The following HPF1 variants were observed in gnomAD, a reference collection of about 807,000 sequenced individuals.
HPF1 encodes histone PARylation factor 1, also known as UPF0609 protein C4orf27.
HPF1 carries 35 observed loss-of-function variants against 38.8 expected under a neutral mutation model. The observed-to-expected ratio is 0.90, with a 90% CI of 0.69 to 1.19. HPF1 has a LOEUF of 1.19. HPF1 is among the 50% of genes most tolerant of loss of function. The pLI, the probability that HPF1 is intolerant of heterozygous loss-of-function variation, is 0.00. For synonymous variants in HPF1, 115 were observed against 139.2 expected (o/e 0.83, Z 1.22); for missense variants, 367 against 405.8 (o/e 0.90, Z 0.82).
At chr4:169,735,067 C>CA (rs929164204) in intron 6 of HPF1, among the ~76,000 whole-genome samples, 3 of 148,106 alleles carry the variant, frequency 2.0e-5, no homozygotes, top group Non-Finnish European at 4.4e-5. Flanking sequence ...GCGGAGGTTA[C>CA]AGTGAGCTGA....
intron 4 of HPF1, among the ~76,000 whole-genome samples, chr4:169,747,808 T>G (rs934286983): frequency 3.3e-5 from 5 of 152,158 alleles, no homozygotes; most frequent in African/African-American, 1.2e-4. Context: ...GCTTCCACGA[T>G]CTCCATCAAT....
At chr4:169,753,607 C>T in intron 2 of HPF1, 69 bp downstream of exon 2, 2 of 1,350,412 alleles carry the variant, frequency 1.5e-6, no homozygotes, top group Non-Finnish European at 1.0e-6. Context: ...GTGTGAGCCA[C>T]CACACCCAGC....
chr4:169,755,299 G>T (rs1734174761), intron 1 of HPF1, among the ~76,000 whole-genome samples: 1 of 152,040 alleles, frequency 6.6e-6, no homozygotes, highest in Admixed American at 6.6e-5. Context: ...AGCAACAAGG[G>T]TTTGAATTTT....
intron 4 of HPF1, among the ~76,000 whole-genome samples, chr4:169,748,039 C>T (rs1581321141): frequency 1.3e-5 from 2 of 152,198 alleles, no homozygotes; most frequent in East Asian, 3.9e-4. Flanking sequence ...CCACTGTGAG[C>T]CACACAACTG....
At chr4:169,740,634 AG>A (rs914289838) in intron 5 of HPF1, among the ~76,000 whole-genome samples, 5 of 152,238 alleles carry the variant, frequency 3.3e-5, no homozygotes, top group Non-Finnish European at 7.3e-5. Flanking sequence ...AGTCATTAAC[AG>A]GGGAGGATTA....
At chr4:169,734,029 C>G (rs1733863728) in intron 6 of HPF1, among the ~76,000 whole-genome samples, 1 of 152,176 alleles carries the variant, frequency 6.6e-6, no homozygotes, top group South Asian at 2.1e-4. Flanking sequence ...ACCCCAGTCA[C>G]AAAATGTGTT....
intron 6 of HPF1, among the ~76,000 whole-genome samples, chr4:169,732,271 G>C (rs972429576): frequency 4.6e-5 from 7 of 151,590 alleles, no homozygotes; most frequent in African/African-American, 1.7e-4. Context: ...CTCCCAAGTA[G>C]CTGGCACTAC....
At chr4:169,732,869 G>T (rs1733848051) in intron 6 of HPF1, among the ~76,000 whole-genome samples, 1 of 152,184 alleles carries the variant, frequency 6.6e-6, no homozygotes, top group Non-Finnish European at 1.5e-5. Flanking sequence ...ATCTAGAAAT[G>T]ATTTGAAATA....
Position 169,750,704 on chromosome 4 carries a change from C to T in HPF1, c.230G>A (p.Gly77Glu). ...KPSDSLSASL[G>E]LQLVGPYDIL... is the part of the protein sequence containing the mutation. The stretch of plus-strand genomic sequence containing the variant: ...ATCATAAGGACCAACTAATTGAAGT[C>T]CAAGGCTTGCAGAAAGTGAATCTAT... Residue 77 changes from glycine to glutamate, a missense_variant, in exon 3 of 8, where the codon GGA becomes GAA. Physicochemically the swap from Gly to Glu is moderately conservative, Grantham distance 98 (BLOSUM62 -2). Transcript: ENST00000393381. 1 of 1,606,768 alleles carries T rather than the reference C, an allele frequency of 6.2e-7. No homozygotes were observed. Among genetic ancestry groups the T allele is most frequent in the Non-Finnish European group, 8.5e-7 (1 of 1,177,196 alleles).
intron 1 of HPF1, 55 bp from the exon 2 acceptor site, chr4:169,753,890 T>A: frequency 7.4e-7 from 1 of 1,355,364 alleles, no homozygotes; most frequent in Non-Finnish European, 1.0e-6. Context: ...TCTCCTTGCA[T>A]AACAGTATCT....
chr4:169,751,215 C>T (rs1734114896), intron 2 of HPF1, among the ~76,000 whole-genome samples: 1 of 151,916 alleles, frequency 6.6e-6, no homozygotes, highest in South Asian at 2.1e-4. Flanking sequence ...CAAGCCTGGC[C>T]AACATGGCAA....
chr4:169,752,498 A>C (rs907265872), intron 2 of HPF1, among the ~76,000 whole-genome samples: 3 of 152,190 alleles, frequency 2.0e-5, no homozygotes, highest in African/African-American at 7.2e-5. Context: ...ACAGCCCATT[A>C]ACAGTTTCTT....
chr4:169,755,070 C>T (rs796666092), intron 1 of HPF1, among the ~76,000 whole-genome samples: 1 of 128,002 alleles, frequency 7.8e-6, no homozygotes, highest in South Asian at 2.4e-4. Context: ...CCCCCCGCCC[C>T]CTCATATTTA....
intron 1 of HPF1, among the ~76,000 whole-genome samples, chr4:169,755,450 G>T (rs969691160): frequency 6.6e-6 from 1 of 152,102 alleles, no homozygotes; most frequent in Admixed American, 6.5e-5. Context: ...TGGAACTTGG[G>T]TATGCTCAGA....
intron 3 of HPF1, among the ~76,000 whole-genome samples, chr4:169,749,720 CAAAA>C (rs11413826): frequency 7.9e-6 from 1 of 127,312 alleles, no homozygotes. Context: ...TACTCAAATA[CAAAA>C]AAAAAAAAAA....
chr4:169,744,978 G>A (rs1436361916), intron 4 of HPF1, among the ~76,000 whole-genome samples: 5 of 63,540 alleles, frequency 7.9e-5, no homozygotes, highest in Non-Finnish European at 1.5e-4. Context: ...AAAAAGAAAA[G>A]CAATGTACAT....
chr4:169,735,120 T>C, intron 6 of HPF1, among the ~76,000 whole-genome samples: 1 of 123,120 alleles, frequency 8.1e-6, no homozygotes, highest in African/African-American at 3.6e-5. Context: ...AGAGCAAAAT[T>C]CCATCTCAAA....
At chr4:169,738,354 T>G (rs1219427853) in intron 5 of HPF1, among the ~76,000 whole-genome samples, 1 of 152,226 alleles carries the variant, frequency 6.6e-6, no homozygotes, top group Non-Finnish European at 1.5e-5. Context: ...CAGGCCCAAC[T>G]ACAACTACCA....
At chr4:169,730,152 G>A (rs551138901) in intron 7 of HPF1, among the ~76,000 whole-genome samples, 8 of 152,094 alleles carry the variant, frequency 5.3e-5, no homozygotes, top group East Asian at 3.9e-4. Context: ...AACACGTACC[G>A]CCTCCCAATC....
Sources: gnomAD v4.1 joint callset for allele counts (sites outside exome capture counted in the v4.1 genomes callset) on GRCh38, gnomAD v4.1.1 for gene constraint, MANE v1.5 for transcripts, NCBI Gene and HGNC (gene_info 2026-07-23, HGNC 2026-07-21) for gene names.